The following PEPD variants were observed in gnomAD, a reference collection of about 807,000 sequenced individuals.
PEPD encodes the protein peptidase D.
A neutral mutation model predicts 60.7 loss-of-function variants in PEPD; 53 were observed. The observed-to-expected ratio is 0.87, with a 90% confidence interval of 0.70 to 1.10. The LOEUF is 1.10. Among genes scored for constraint, PEPD ranks in the 50% least tolerant of loss-of-function variants. The pLI, the probability that PEPD is intolerant of heterozygous loss-of-function variation, is 0.00. For synonymous variants in PEPD, 267 were observed against 284.1 expected (o/e 0.94, Z 0.60); for missense variants, 711 against 711.9 (o/e 1.00, Z 0.01).
intron 12 of PEPD, among the ~76,000 whole-genome samples, chr19:33,399,232 G>A (rs1337381520): frequency 2.0e-5 from 3 of 152,104 alleles, no homozygotes; most frequent in Non-Finnish European, 2.9e-5. Flanking sequence ...CAAGTGATCC[G>A]CCCGCCTCCC....
In PEPD at chr19:33,472,018, G is replaced by A. The variant is rs971429307; in HGVS notation, c.548+6028C>T. ...CTCTACTAAAAATACAAAAGTAGCC[G>A]GGCATGGTGGCACATGCCTGTAATC... On this transcript the variant is annotated intron_variant, in intron 7 of 14. Transcript: ENST00000244137. 2.0e-5 allele frequency among the ~76,000 whole-genome samples: 3 copies of A among 152,034 alleles called. No individual in the cohort carries two copies. In the East Asian group the frequency reaches 5.8e-4, roughly 29 times the overall value.
Position 33,516,422 on chromosome 19 carries a change from C to T in PEPD, c.18-3646G>A, listed in dbSNP as rs570008350. On this transcript the variant is annotated intron_variant, in intron 1 of 14. Transcript: ENST00000244137. The stretch of plus-strand genomic sequence containing the variant: ...CACAAGAGCTCCAGGGCCTCAGAGA[C>T]CCACAGAACAAGTCTCTGAGCCCCA... Among the ~76,000 whole-genome samples the T allele has an allele frequency of 3.3e-5, 5 of 152,266 alleles. 1 individual carries two copies. The highest frequency in any genetic ancestry group is 1.2e-4 in the African/African-American group (5 of 41,548).
At chr19:33,410,156 G>A (rs1196161349) in intron 11 of PEPD, among the ~76,000 whole-genome samples, 1 of 152,234 alleles carries the variant, frequency 6.6e-6, no homozygotes, top group African/African-American at 2.4e-5. Flanking sequence ...GTGGGTGGCG[G>A]TTCCACTGGC....
At chr19:33,512,910 G>T in intron 1 of PEPD, 134 bp from the exon 2 acceptor site, 1 of 914,696 alleles carries the variant, frequency 1.1e-6, no homozygotes, top group Non-Finnish European at 1.8e-6. Flanking sequence ...AGCTGCCCAA[G>T]CTCCACCTAC....
chr19:33,444,345 T>G (rs530593860), intron 9 of PEPD, among the ~76,000 whole-genome samples: 1 of 152,154 alleles, frequency 6.6e-6, no homozygotes, highest in African/African-American at 2.4e-5. Flanking sequence ...GCATAGGCTG[T>G]GGGCAGAGCC....
intron 7 of PEPD, among the ~76,000 whole-genome samples, chr19:33,474,979 C>G (rs924244545): frequency 1.1e-4 from 16 of 140,546 alleles, no homozygotes; most frequent in African/African-American, 4.2e-4. Context: ...GATCCTGTCT[C>G]TTAAAAAAAA....
intron 6 of PEPD, among the ~76,000 whole-genome samples, chr19:33,487,543 T>G (rs1201370342): frequency 6.6e-6 from 1 of 152,140 alleles, no homozygotes; most frequent in Non-Finnish European, 1.5e-5. Context: ...AGTCAGAGAC[T>G]CGGCCAGCAG....
At chr19:33,516,618 A>G (rs1010840580) in intron 1 of PEPD, among the ~76,000 whole-genome samples, 1 of 151,600 alleles carries the variant, frequency 6.6e-6, no homozygotes, top group African/African-American at 2.4e-5. Context: ...GTACTGGGAC[A>G]CCCTCTCCTC....
At position 33,441,616 on chromosome 19, in the gene PEPD, C is replaced by T. The variant is rs541610883; in HGVS notation, c.671+21379G>A. 2.0e-5 allele frequency among the ~76,000 whole-genome samples: 3 copies of T among 152,292 alleles called. 1 individual carries two copies. Among genetic ancestry groups the T allele is most frequent in the South Asian group, 2.1e-4 (1 of 4,808 alleles). Reference sequence around the variant, plus strand: ...CCCTTCACTCAGGAGCATTTATGAGCGCCTGCTGTATGCCTGACTCTGCCA... The same window carrying T: ...CCCTTCACTCAGGAGCATTTATGAGTGCCTGCTGTATGCCTGACTCTGCCA... On this transcript the variant is annotated intron_variant, in intron 9 of 14. Transcript: ENST00000244137.
intron 9 of PEPD, among the ~76,000 whole-genome samples, chr19:33,443,311 TTA>T (rs1322810708): frequency 6.6e-6 from 1 of 152,214 alleles, no homozygotes; most frequent in Non-Finnish European, 1.5e-5. Context: ...CACACTTTAT[TTA>T]TCCGTGTAGG....
chr19:33,392,477 T>C (rs779148081), intron 12 of PEPD, among the ~76,000 whole-genome samples: 1 of 152,128 alleles, frequency 6.6e-6, no homozygotes, highest in Non-Finnish European at 1.5e-5. Context: ...CCTGGCCCCA[T>C]GGGGGCTGGG....
intron 9 of PEPD, among the ~76,000 whole-genome samples, chr19:33,451,045 T>C (rs935856668): frequency 2.6e-5 from 4 of 152,200 alleles, no homozygotes; most frequent in South Asian, 2.1e-4. Flanking sequence ...GGTATAAATA[T>C]GACTGCAAAA....
chr19:33,436,615 C>T (rs1256735860), intron 9 of PEPD, among the ~76,000 whole-genome samples: 1 of 152,250 alleles, frequency 6.6e-6, no homozygotes, highest in African/African-American at 2.4e-5. Context: ...ACAAATTCCA[C>T]CTTTATGGGA....
chr19:33,463,910 C>G, intron 8 of PEPD, 77 bp downstream of exon 8: 2 of 953,048 alleles, frequency 2.1e-6, no homozygotes, highest in Non-Finnish European at 3.4e-6. Context: ...ACCTGGAAAC[C>G]CTTCATCCTC....
intron 11 of PEPD, among the ~76,000 whole-genome samples, chr19:33,407,633 C>T (rs1329452639): frequency 3.9e-5 from 6 of 152,222 alleles, no homozygotes; most frequent in Admixed American, 3.9e-4. Flanking sequence ...TTTTGTAACC[C>T]TGTTCTTGAA....
At chr19:33,442,861 T>C (rs1969510265) in intron 9 of PEPD, among the ~76,000 whole-genome samples, 1 of 152,206 alleles carries the variant, frequency 6.6e-6, no homozygotes, top group Non-Finnish European at 1.5e-5. Context: ...GAGGCTGGTA[T>C]GTGGTCAGGC....
At chr19:33,462,340 G>A (rs935530527) in intron 9 of PEPD, among the ~76,000 whole-genome samples, 5 of 152,352 alleles carry the variant, frequency 3.3e-5, no homozygotes, top group Non-Finnish European at 5.9e-5. Flanking sequence ...GGGAGGTCTC[G>A]GAATGGGGGC....
intron 9 of PEPD, among the ~76,000 whole-genome samples, chr19:33,425,325 A>AAACAAACAAAC (rs1568465127): frequency 8.4e-6 from 1 of 118,958 alleles, no homozygotes; most frequent in African/African-American, 3.4e-5. Flanking sequence ...AACAAACAAA[A>AAACAAACAAAC]AGGCTTGCCA....
chr19:33,407,124 G>A (rs990511912), intron 11 of PEPD, among the ~76,000 whole-genome samples: 4 of 152,184 alleles, frequency 2.6e-5, no homozygotes, highest in African/African-American at 9.7e-5. Context: ...ACTCTGCGAG[G>A]GGCCACAGTA....
Sources: allele counts gnomAD v4.1 joint callset (sites outside exome capture counted in the v4.1 genomes callset), GRCh38; gene constraint gnomAD v4.1.1; transcripts MANE v1.5; gene names NCBI Gene and HGNC (gene_info 2026-07-23, HGNC 2026-07-21).